Variants in CYP4F22 observed in about 807,000 individuals in gnomAD.
The protein encoded by CYP4F22 is ultra-long-chain fatty acid omega-hydroxylase.
Under a neutral mutation model 60.4 loss-of-function variants are expected in CYP4F22, and 37 were observed. The observed-to-expected ratio is 0.61, with a 90% confidence interval of 0.47 to 0.81. The LOEUF is 0.81. CYP4F22 is among the 30% of genes least tolerant of loss of function. CYP4F22 has a pLI of 0.00. For synonymous variants in CYP4F22, 258 were observed against 280.5 expected, an observed-to-expected ratio of 0.92 and a Z score of 0.80; for missense variants, 655 against 715.0, an observed-to-expected ratio of 0.92 and a Z score of 0.96.
chr19:15,525,240 T>C (rs1971267890), intron 2 of CYP4F22, 96 bp from the exon 3 acceptor site: 18 of 1,218,314 alleles, frequency 1.5e-5, no homozygotes, highest in Non-Finnish European at 2.0e-5. Flanking sequence ...AACTCACGTG[T>C]GCTGGGAACC....
In CYP4F22 at chr19:15,537,859, A is replaced by ATC. The variant is rs1369945319; in HGVS notation, c.550-7_550-6dup. On this transcript the variant is annotated splice_polypyrimidine_tract_variant and intron_variant, in intron 6 of 13. Coordinates refer to ENST00000269703, the MANE Select transcript of CYP4F22 (RefSeq NM_173483.4). ...TGGTTTCCATGCACAGTCACCATGT[A>ATC]TCTCTCTTCCAGGCTAAATGGCGGC... 3.7e-6 allele frequency: 6 copies of ATC among 1,613,294 alleles called. No homozygotes were observed. The African/African-American group carries it at 6.7e-5, about 18-fold the overall frequency.
At chr19:15,543,526 A>G (rs1162621563) in intron 8 of CYP4F22, among the ~76,000 whole-genome samples, 1 of 152,042 alleles carries the variant, frequency 6.6e-6, no homozygotes, top group Non-Finnish European at 1.5e-5. Context: ...GCATACTTCC[A>G]TCTTCCTGGA....
chr19:15,545,113 A>T (rs1396982521), intron 10 of CYP4F22, among the ~76,000 whole-genome samples: 2 of 151,718 alleles, frequency 1.3e-5, no homozygotes, highest in Non-Finnish European at 2.9e-5. Flanking sequence ...ATAAAAAAAA[A>T]AAACAAAAGC....
chr19:15,550,832 C>G, intron 13 of CYP4F22, 76 bp downstream of exon 13: 1 of 1,552,398 alleles, frequency 6.4e-7, no homozygotes, highest in Non-Finnish European at 8.9e-7. Flanking sequence ...ATGTGCCTCT[C>G]AGGAGCAGAG....
At chr19:15,513,510 G>T (rs1346504711) in intron 1 of CYP4F22, among the ~76,000 whole-genome samples, 1 of 151,618 alleles carries the variant, frequency 6.6e-6, no homozygotes, top group Admixed American at 6.6e-5. Context: ...GACTACAGGC[G>T]CCCGCCACCT....
chr19:15,510,935 A>T (rs78928134), intron 1 of CYP4F22, among the ~76,000 whole-genome samples: 4,732 of 143,364 alleles, frequency 0.033, 290 homozygotes, highest in African/African-American at 0.12. Context: ...CCTGGGGAAT[A>T]TAGGGATACC....
intron 4 of CYP4F22, among the ~76,000 whole-genome samples, chr19:15,533,851 A>AT (rs1162949821): frequency 6.6e-6 from 1 of 150,824 alleles, no homozygotes; most frequent in Admixed American, 6.6e-5. Flanking sequence ...CACTGTATGG[A>AT]TTTTTTTTTG....
intron 11 of CYP4F22, 143 bp from the exon 12 acceptor site, chr19:15,548,995 G>T: frequency 1.1e-6 from 1 of 878,924 alleles, no homozygotes; most frequent in Non-Finnish European, 1.8e-6. Flanking sequence ...TGGGGCAGCA[G>T]AATTTTTTAG....
chr19:15,511,734 C>G (rs1024964084), intron 1 of CYP4F22, among the ~76,000 whole-genome samples: 3 of 152,098 alleles, frequency 2.0e-5, no homozygotes, highest in African/African-American at 4.8e-5. Context: ...GGTCCCAGCC[C>G]CTGCAGTTCA....
At chr19:15,537,493 G>C (rs1599806553) in intron 5 of CYP4F22, 42 bp from the exon 6 acceptor site, 1 of 1,614,140 alleles carries the variant, frequency 6.2e-7, no homozygotes, top group East Asian at 2.2e-5. Flanking sequence ...GAAGGTTTCA[G>C]AGTAACAGGA....
chr19:15,518,188 T>C (rs1426161206), intron 1 of CYP4F22, among the ~76,000 whole-genome samples: 1 of 151,538 alleles, frequency 6.6e-6, no homozygotes, highest in Non-Finnish European at 1.5e-5. Context: ...AATTTAAAAA[T>C]TAGCTGGGCA....
In CYP4F22 at chr19:15,550,696, A is replaced by T. The variant is rs766560113; in HGVS notation, c.1358A>T (p.Asp453Val). 32 of 1,613,968 alleles carry T rather than the reference A, an allele frequency of 2.0e-5. No homozygotes were observed. Among genetic ancestry groups the T allele is most frequent in the Admixed American group, 3.3e-5 (2 of 59,994 alleles). ...DSKVYNPYRF[D>V]PDNPQQRSPL... ...TAGGTGTACAACCCCTACCGCTTTG[A>T]CCCGGACAACCCACAGCAGCGCTCT... The change falls in exon 13 of 14, where the codon GAC becomes GTC. Residue 453 changes from aspartate (D) to valine (V), a missense_variant. Asp to Val is a radical substitution (Grantham distance 152). This residue lies in a region of CYP4F22 where 151 missense variants were observed against 139.4 expected (regional missense o/e 1.08). Transcript: ENST00000269703.
At chr19:15,520,443 A>G (rs1599791915) in intron 1 of CYP4F22, among the ~76,000 whole-genome samples, 2 of 130,438 alleles carry the variant, frequency 1.5e-5, no homozygotes, top group South Asian at 2.4e-4. Flanking sequence ...GTCACCATTT[A>G]TTGGTGACAA....
intron 4 of CYP4F22, among the ~76,000 whole-genome samples, chr19:15,533,081 G>A (rs914981708): frequency 2.6e-5 from 4 of 152,196 alleles, no homozygotes; most frequent in Non-Finnish European, 5.9e-5. Flanking sequence ...CAGCCCTTGA[G>A]CCTGGAGGAG....
intron 10 of CYP4F22, 28 bp from the exon 11 acceptor site, chr19:15,548,080 C>A: frequency 6.3e-7 from 1 of 1,575,562 alleles, no homozygotes; most frequent in Non-Finnish European, 8.6e-7. Flanking sequence ...GGTGGCTCGG[C>A]CTCTAGTTAT....
Position 15,540,612 on chromosome 19 carries a change from C to T in CYP4F22, c.834C>T (p.Val278=). 6.2e-7 allele frequency: 1 copy of T among 1,614,244 alleles called. No individual in the cohort carries two copies. The highest frequency in any genetic ancestry group is 2.2e-5 in the East Asian group (1 of 44,890). The change falls in exon 8 of 14, where the codon GTC becomes GTT. Residue 278 remains valine, a synonymous_variant. Coordinates refer to ENST00000269703, the MANE Select transcript of CYP4F22 (RefSeq NM_173483.4). ...CDMVHHFTTE[V]IQERRRALRQ... is the part of the protein sequence containing the mutation. The stretch of plus-strand genomic sequence containing the variant: ...TGGTGCACCACTTCACCACTGAAGT[C>T]ATCCAGGAACGGCGGCGGGCACTGC...
At chr19:15,509,894 TTC>T (rs1971064588) in intron 1 of CYP4F22, among the ~76,000 whole-genome samples, 2 of 119,032 alleles carry the variant, frequency 1.7e-5, no homozygotes, top group Admixed American at 9.2e-5. Flanking sequence ...CCTTCCTTCC[TTC>T]CTTCCTTCCT....
chr19:15,544,313 G>C (rs1331208798), intron 10 of CYP4F22, 34 bp downstream of exon 10: 2 of 1,604,194 alleles, frequency 1.2e-6, no homozygotes, highest in Non-Finnish European at 1.7e-6. Flanking sequence ...GAGGGGGCAG[G>C]TTGAGGCCAG....
chr19:15,532,862 C>A (rs1227813567), intron 4 of CYP4F22, among the ~76,000 whole-genome samples: 1 of 152,166 alleles, frequency 6.6e-6, no homozygotes, highest in African/African-American at 2.4e-5. Context: ...AGGGGATATT[C>A]TGTGTACCCC....
Sources: gnomAD v4.1 joint callset for allele counts (sites outside exome capture counted in the v4.1 genomes callset) on GRCh38, gnomAD v4.1.1 for gene constraint, gnomAD v4.1.1 regional missense constraint, MANE v1.5 for transcripts, NCBI Gene and HGNC (gene_info 2026-07-23, HGNC 2026-07-21) for gene names.